Variants in RABGAP1L observed in about 807,000 individuals in gnomAD.
The protein encoded by RABGAP1L is rab GTPase-activating protein 1-like.
RABGAP1L carries 63 observed loss-of-function variants against 137.7 expected under a neutral mutation model. The observed-to-expected ratio is 0.46, with a 90% CI of 0.37 to 0.56. The LOEUF is 0.56. Among genes scored for constraint, RABGAP1L ranks in the 20% least tolerant of loss-of-function variants. RABGAP1L has a pLI of 0.00. For missense variants in RABGAP1L, 1,095 were observed against 1,244.0 expected, an observed-to-expected ratio of 0.88 and a Z score of 1.80; for synonymous variants, 431 against 433.7, an observed-to-expected ratio of 0.99 and a Z score of 0.08.
At chr1:174,269,714 T>C (rs1211074413) in intron 7 of RABGAP1L, among the ~76,000 whole-genome samples, 2 of 152,212 alleles carry the variant, frequency 1.3e-5, no homozygotes, top group Admixed American at 1.3e-4. Flanking sequence ...ATAAATTATG[T>C]TGGATGTCTC....
chr1:174,752,247 T>C, intron 17 of RABGAP1L, 66 bp from the exon 18 acceptor site: 4 of 1,148,652 alleles, frequency 3.5e-6, no homozygotes, highest in South Asian at 2.8e-5. Context: ...TGTGGAAGTC[T>C]TGGGGAAATA....
At chr1:174,610,725 T>G (rs1671161128) in intron 13 of RABGAP1L, among the ~76,000 whole-genome samples, 1 of 152,250 alleles carries the variant, frequency 6.6e-6, no homozygotes, top group South Asian at 2.1e-4. Flanking sequence ...TGTTCTTTCC[T>G]GACTTTTTAA....
chr1:174,396,868 G>T (rs1262963963), intron 13 of RABGAP1L, among the ~76,000 whole-genome samples: 5 of 151,950 alleles, frequency 3.3e-5, no homozygotes, highest in African/African-American at 4.8e-5. Context: ...GCTGGGCTCA[G>T]TGGTTCATGC....
At chr1:174,449,175 G>A (rs1238947697) in intron 13 of RABGAP1L, 2 of 1,602,030 alleles carry the variant, frequency 1.2e-6, no homozygotes, top group East Asian at 2.2e-5. Flanking sequence ...CCTAGGAAAC[G>A]GGCTAATTCT....
chr1:174,707,281 G>C (rs1572872815), intron 17 of RABGAP1L, among the ~76,000 whole-genome samples: 1 of 151,174 alleles, frequency 6.6e-6, no homozygotes, highest in Non-Finnish European at 1.5e-5. Flanking sequence ...GGTCAGATAA[G>C]AGTCCATGAA....
intron 13 of RABGAP1L, among the ~76,000 whole-genome samples, chr1:174,403,670 T>A (rs1648912216): frequency 6.6e-6 from 1 of 152,110 alleles, no homozygotes; most frequent in African/African-American, 2.4e-5. Flanking sequence ...GATATTGGTG[T>A]CAGGGCATGT....
intron 13 of RABGAP1L, among the ~76,000 whole-genome samples, chr1:174,613,922 C>G (rs1391518282): frequency 6.6e-6 from 1 of 152,122 alleles, no homozygotes; most frequent in Non-Finnish European, 1.5e-5. Flanking sequence ...AGATCTTCCT[C>G]CATCCCTTTA....
chr1:174,231,039 C>T, intron 3 of RABGAP1L, 106 bp from the exon 4 acceptor site: 1 of 768,598 alleles, frequency 1.3e-6, no homozygotes, highest in South Asian at 1.9e-5. Flanking sequence ...ACAGAGAGAC[C>T]TAGATTTTGT....
intron 7 of RABGAP1L, among the ~76,000 whole-genome samples, chr1:174,262,732 GGT>G (rs1673692864): frequency 1.3e-5 from 2 of 152,112 alleles, no homozygotes; most frequent in South Asian, 4.1e-4. Flanking sequence ...GAAGAGATTG[GGT>G]ATTTTAACCA....
chr1:174,678,562 G>A (rs773894358), intron 14 of RABGAP1L, among the ~76,000 whole-genome samples: 4 of 152,026 alleles, frequency 2.6e-5, no homozygotes, highest in Non-Finnish European at 4.4e-5. Context: ...TTTGAAAATC[G>A]ATATATTTTA....
chr1:174,732,199 C>CG (rs1174848074), intron 17 of RABGAP1L, among the ~76,000 whole-genome samples: 1 of 100,024 alleles, frequency 1.0e-5, no homozygotes, highest in Non-Finnish European at 1.9e-5. Context: ...CCCCATCCCC[C>CG]CCAAAAAAAA....
At chr1:174,970,015 C>T (rs930899155) in intron 21 of RABGAP1L, among the ~76,000 whole-genome samples, 4 of 152,172 alleles carry the variant, frequency 2.6e-5, no homozygotes, top group Non-Finnish European at 4.4e-5. Flanking sequence ...GCTGAGAGAG[C>T]TGGCACTAAA....
intron 7 of RABGAP1L, among the ~76,000 whole-genome samples, chr1:174,260,479 G>A (rs1030891330): frequency 2.6e-5 from 4 of 152,122 alleles, no homozygotes; most frequent in Non-Finnish European, 5.9e-5. Flanking sequence ...CAACTAAGAG[G>A]AGAAAGCAAG....
At chr1:174,695,643 C>CTCTTGA (rs776741072) in intron 15 of RABGAP1L, among the ~76,000 whole-genome samples, 1 of 152,096 alleles carries the variant, frequency 6.6e-6, no homozygotes, top group Non-Finnish European at 1.5e-5. Context: ...TCATGTTTTC[C>CTCTTGA]TGGGTATTCT....
At chr1:174,973,972 G>GTTTTT (rs1558297301) in intron 21 of RABGAP1L, among the ~76,000 whole-genome samples, 26 of 94,224 alleles carry the variant, frequency 2.8e-4, no homozygotes, top group African/African-American at 9.6e-4. Context: ...CAGTACAATT[G>GTTTTT]TTTTTTGTTT....
chr1:174,345,014 T>A (rs1682312987), intron 11 of RABGAP1L, among the ~76,000 whole-genome samples: 1 of 152,222 alleles, frequency 6.6e-6, no homozygotes, highest in African/African-American at 2.4e-5. Context: ...GGATATTCAA[T>A]TTTCCCAGCA....
At chr1:174,893,527 G>A (rs529026022) in intron 19 of RABGAP1L, among the ~76,000 whole-genome samples, 23 of 152,256 alleles carry the variant, frequency 1.5e-4, no homozygotes, top group African/African-American at 4.8e-4. Context: ...ATAAATTACA[G>A]CATAATTGTT....
Position 174,812,523 on chromosome 1 carries a change from T to G in RABGAP1L, c.2340+563T>G, listed in dbSNP as rs1689971023. Among the ~76,000 whole-genome samples the G allele has an allele frequency of 3.3e-5, 5 of 152,228 alleles. 1 individual carries two copies. In the South Asian group the frequency reaches 8.3e-4, roughly 25 times the overall value. On this transcript the variant is annotated intron_variant, in intron 19 of 25. Coordinates refer to ENST00000681986, the MANE Select transcript of RABGAP1L (RefSeq NM_001366446.1). ...AGGTGAGAGAGCACTCTTAAAATAT[T>G]TGGAACCAATTTACTGATGTTAATT...
intron 14 of RABGAP1L, among the ~76,000 whole-genome samples, chr1:174,662,260 C>T (rs373902372): frequency 1.3e-5 from 2 of 151,908 alleles, no homozygotes; most frequent in African/African-American, 2.4e-5. Context: ...TGTACCACCA[C>T]GCCCAACTAA....
Sources: gnomAD v4.1 joint callset for allele counts (sites outside exome capture counted in the v4.1 genomes callset) on GRCh38, gnomAD v4.1.1 for gene constraint, MANE v1.5 for transcripts, NCBI Gene and HGNC (gene_info 2026-07-23, HGNC 2026-07-21) for gene names.